Variants in ADAMTS2 observed in about 807,000 individuals in gnomAD.
The protein encoded by ADAMTS2 is A disintegrin and metalloproteinase with thrombospondin motifs 2.
A neutral mutation model predicts 123.0 loss-of-function variants in ADAMTS2; 50 were observed. The ratio of observed to expected loss-of-function variants is 0.41; its 90% CI spans 0.32 to 0.51. The LOEUF (loss-of-function observed/expected upper bound fraction) is 0.51. Ranked by LOEUF, ADAMTS2 falls within the 20% of genes least tolerant of loss-of-function variation. ADAMTS2 has a pLI of 0.35. For missense variants in ADAMTS2, 1,494 were observed against 1,705.2 expected (o/e 0.88, Z 2.18); for synonymous variants, 678 against 695.4 (o/e 0.98, Z 0.39).
At chr5:179,231,362 G>A (rs192923879) in intron 3 of ADAMTS2, among the ~76,000 whole-genome samples, 84 of 152,260 alleles carry the variant, frequency 5.5e-4, no homozygotes, top group African/African-American at 1.9e-3. Flanking sequence ...TGTGCACTTC[G>A]AAATTCTCTG....
rs181901784 is a variant in ADAMTS2 at position 179,286,495 on chromosome 5, T to C, written c.535-13431A>G. Reference sequence around the variant, plus strand: ...CACATGTCTGGGAGTTGCCAACATATGCTTCCTTACCAGATTCCCCAGGGG... The same window carrying C: ...CACATGTCTGGGAGTTGCCAACATACGCTTCCTTACCAGATTCCCCAGGGG... On this transcript the variant is annotated intron_variant, in intron 2 of 21. Coordinates refer to ENST00000251582, the MANE Select transcript of ADAMTS2 (RefSeq NM_014244.5). 4.1e-4 allele frequency among the ~76,000 whole-genome samples: 63 copies of C among 152,162 alleles called. No homozygotes were observed. The East Asian group carries it at 0.011, about 27-fold the overall frequency.
chr5:179,249,345 C>A (rs28891193), intron 3 of ADAMTS2, among the ~76,000 whole-genome samples: 6,649 of 151,638 alleles, frequency 0.044, 474 homozygotes, highest in African/African-American at 0.15. Context: ...ATGAAGGAAC[C>A]AGAAGAAAAG....
Position 179,189,648 on chromosome 5 carries a change from C to T in ADAMTS2, c.892-8493G>A, listed in dbSNP as rs549993650. Among the ~76,000 whole-genome samples, 21 of 151,452 alleles carry T rather than the reference C, an allele frequency of 1.4e-4. No homozygotes were observed. Among genetic ancestry groups the T allele is most frequent in the South Asian group, 6.3e-4 (3 of 4,748 alleles). The stretch of plus-strand genomic sequence containing the variant: ...CTGGGATTACAGGCGTGAGCCACCG[C>T]GCCCGGCCAGGAGCAATTTTTTGTG... On this transcript the variant is annotated intron_variant, in intron 4 of 21. Coordinates refer to ENST00000251582, the MANE Select transcript of ADAMTS2 (RefSeq NM_014244.5). The surrounding 1 kb of genome is among the most constrained non-coding windows in gnomAD (Gnocchi z 4.2).
rs573997027 is a variant in ADAMTS2, at chr5:179,129,070, C to T, written c.2457+862G>A. ...CACACTTCACCACTCTGTGCGTGTC[C>T]GTTTGGGGCTCACGAATCAATTTTA... On this transcript the variant is annotated intron_variant, in intron 16 of 21. Transcript: ENST00000251582. This position sits in a 1 kb window ranked among gnomAD's most constrained non-coding sequence, Gnocchi z 4.1. Among the ~76,000 whole-genome samples, 11 of 152,268 alleles carry T rather than the reference C, an allele frequency of 7.2e-5. No individual in the cohort carries two copies. The highest frequency in any genetic ancestry group is 2.4e-4 in the African/African-American group (10 of 41,544).
Position 179,116,440 on chromosome 5 carries a change from G to A in ADAMTS2, c.3179-2116C>T, listed in dbSNP as rs745688818. 2.7e-4 allele frequency among the ~76,000 whole-genome samples: 41 copies of A among 152,166 alleles called. 2 individuals carry two copies. The highest frequency in any genetic ancestry group is 4.6e-4 in the Non-Finnish European group (31 of 68,032). On this transcript the variant is annotated intron_variant, in intron 21 of 21. Coordinates refer to ENST00000251582, the MANE Select transcript of ADAMTS2 (RefSeq NM_014244.5). The stretch of plus-strand genomic sequence containing the variant: ...CCTTCCTCCTTCAGGGGCAGTTGGA[G>A]CACATCTTCCTCAGGCAGGCATCGC...
Position 179,298,481 on chromosome 5 carries a change from C to T in ADAMTS2, c.535-25417G>A, listed in dbSNP as rs534057419. ...AGCAGCCCTCACCAGACACCAAACC[C>T]ACTGGCGCCCCGATCTCACATGTGA... On this transcript the variant is annotated intron_variant, in intron 2 of 21. Transcript: ENST00000251582. Among the ~76,000 whole-genome samples the T allele has an allele frequency of 1.1e-4, 17 of 152,322 alleles. 1 individual carries two copies. In the East Asian group the frequency reaches 3.3e-3, roughly 29 times the overall value.
rs1423237105 is a variant in ADAMTS2, at chr5:179,313,888, ACT to A, written c.534+29877_534+29878del. Reference sequence around the variant, plus strand: ...CGCATTCACACTCGTGCACACACACACTCACATCGAGACAGAGGAGGGCCTGG... The same window carrying A: ...CGCATTCACACTCGTGCACACACACACACATCGAGACAGAGGAGGGCCTGG... On this transcript the variant is annotated intron_variant, in intron 2 of 21. Transcript: ENST00000251582. Among the ~76,000 whole-genome samples, 106 of 68,646 alleles carry A rather than the reference ACT, an allele frequency of 1.5e-3. 12 individuals are homozygous for A. Among genetic ancestry groups the A allele is most frequent in the East Asian group, 4.2e-3 (8 of 1,906 alleles). 45.0% of individuals were successfully genotyped at this position (68,646 alleles called of 152,430 possible).
At chr5:179,286,270 G>A (rs1307351947) in intron 2 of ADAMTS2, among the ~76,000 whole-genome samples, 2 of 148,606 alleles carry the variant, frequency 1.3e-5, no homozygotes, top group Non-Finnish European at 3.0e-5. Flanking sequence ...CCCTGGGCTG[G>A]CACCTGCCCA....
chr5:179,320,674 C>T (rs1757143789), intron 2 of ADAMTS2, among the ~76,000 whole-genome samples: 1 of 152,164 alleles, frequency 6.6e-6, no homozygotes. Flanking sequence ...AGCTCTCATC[C>T]CTGCGTCACC....
intron 19 of ADAMTS2, among the ~76,000 whole-genome samples, chr5:179,124,298 T>G (rs3822593): frequency 0.7 from 106,318 of 151,982 alleles, 38,665 homozygotes; most frequent in East Asian, 0.91. Context: ...GTCAGCTCTG[T>G]CCTGGCCTCA....
intron 3 of ADAMTS2, among the ~76,000 whole-genome samples, chr5:179,229,261 G>A (rs545700796): frequency 2.0e-5 from 3 of 151,976 alleles, no homozygotes; most frequent in East Asian, 1.9e-4. Flanking sequence ...TCACAAACAC[G>A]AGACCCCGCT....
At chr5:179,168,347 G>C (rs1396186973) in intron 5 of ADAMTS2, among the ~76,000 whole-genome samples, 1 of 152,176 alleles carries the variant, frequency 6.6e-6, no homozygotes, top group Non-Finnish European at 1.5e-5. Context: ...CCTGAAGCTG[G>C]TGCTCCTGAC....
rs1020065441 is a variant in ADAMTS2 at position 179,256,296 on chromosome 5, G to T, written c.688+16615C>A. Among the ~76,000 whole-genome samples, 1 of 152,152 alleles carries T rather than the reference G, an allele frequency of 6.6e-6. No homozygotes were observed. The highest frequency in any genetic ancestry group is 1.5e-5 in the Non-Finnish European group (1 of 68,018). On this transcript the variant is annotated intron_variant, in intron 3 of 21. Coordinates refer to ENST00000251582, the MANE Select transcript of ADAMTS2 (RefSeq NM_014244.5). The surrounding 1 kb of genome is among the most constrained non-coding windows in gnomAD (Gnocchi z 4.1). The stretch of plus-strand genomic sequence containing the variant: ...ACGGGTGCCCAACAGGAAAGAGGAC[G>T]GGGGCTTATTATAAGGAAAATAGTG...
intron 3 of ADAMTS2, among the ~76,000 whole-genome samples, chr5:179,259,966 C>T (rs959285100): frequency 2.6e-5 from 4 of 152,226 alleles, no homozygotes; most frequent in Admixed American, 2.6e-4. Context: ...TGGAAACGCA[C>T]AGTCCCTTGT....
Position 179,345,251 on chromosome 5 carries a change from C to A in ADAMTS2, c.78G>T (p.Pro26=). ...LLLLLLLLPP[P]LLPPPPPPAN... is the part of the protein sequence containing the mutation. Reference sequence around the variant, plus strand: ...CGGGCGGCGGCGGCGGCGGCAGGAGCGGCGGCGGCAGCAGCAGCAGCAGCA... The same window carrying A: ...CGGGCGGCGGCGGCGGCGGCAGGAGAGGCGGCGGCAGCAGCAGCAGCAGCA... Residue 26 remains proline, a synonymous_variant, in exon 1 of 22, where the codon CCG becomes CCT. Transcript: ENST00000251582. This position sits in a 1 kb window ranked among gnomAD's most constrained non-coding sequence, Gnocchi z 7.5. 2.6e-6 allele frequency: 3 copies of A among 1,144,290 alleles called. No homozygotes were observed. Among genetic ancestry groups the A allele is most frequent in the Non-Finnish European group, 3.2e-6 (3 of 937,998 alleles). The allele number at this position is 1,144,290 out of a possible 1,614,324, so 70.9% of individuals were successfully genotyped here. A position where few individuals can be genotyped will look rare whatever the true frequency, so the allele number is the denominator to read the frequency against.
In ADAMTS2 at chr5:179,188,996, G is replaced by C. The variant is rs1282070536; in HGVS notation, c.892-7841C>G. ...TGAATTTGGGGGGTTAGCAGAGTGT[G>C]GGGGGGATATTCCCACTCTGAGGTC... is the stretch of plus-strand genomic sequence containing the variant. On this transcript the variant is annotated intron_variant, in intron 4 of 21. Coordinates refer to ENST00000251582, the MANE Select transcript of ADAMTS2 (RefSeq NM_014244.5). The surrounding 1 kb of genome is among the most constrained non-coding windows in gnomAD (Gnocchi z 5.1). Among the ~76,000 whole-genome samples, 1 of 152,138 alleles carries C rather than the reference G, an allele frequency of 6.6e-6. No homozygotes were observed. The highest frequency in any genetic ancestry group is 1.5e-5 in the Non-Finnish European group (1 of 68,022).
Position 179,252,089 on chromosome 5 carries a change from C to T in ADAMTS2, c.688+20822G>A, listed in dbSNP as rs373826413. Among the ~76,000 whole-genome samples the T allele has an allele frequency of 2.6e-4, 39 of 150,982 alleles. No individual in the cohort carries two copies. In the South Asian group the frequency reaches 7.7e-3, roughly 30 times the overall value. Reference sequence around the variant, plus strand: ...GTGGTGCACTCTCAGCTCACTGCAACCTCTACCTCCCAGGCTCAAGCAATT... The same window carrying T: ...GTGGTGCACTCTCAGCTCACTGCAATCTCTACCTCCCAGGCTCAAGCAATT... On this transcript the variant is annotated intron_variant, in intron 3 of 21. Transcript: ENST00000251582.
intron 2 of ADAMTS2, among the ~76,000 whole-genome samples, chr5:179,280,919 G>A (rs377379): frequency 0.95 from 144,389 of 152,236 alleles, 68,799 homozygotes; most frequent in Non-Finnish European, 0.99. Context: ...GTGCAGTGGC[G>A]CAACCTCAGC....
intron 19 of ADAMTS2, among the ~76,000 whole-genome samples, chr5:179,123,654 C>T (rs1272697255): frequency 6.6e-6 from 1 of 152,240 alleles, no homozygotes; most frequent in Non-Finnish European, 1.5e-5. Context: ...GTCTCTAACA[C>T]CTGAGTTCAG....
Sources: gnomAD v4.1 joint callset for allele counts (sites outside exome capture counted in the v4.1 genomes callset) on GRCh38, gnomAD v4.1.1 for gene constraint, Gnocchi (gnomAD v3.1) non-coding constraint, MANE v1.5 for transcripts, NCBI Gene and HGNC (gene_info 2026-07-23, HGNC 2026-07-21) for gene names.